Variants in FOXQ1 observed in about 807,000 individuals in gnomAD.
FOXQ1 encodes the protein forkhead box Q1, also known as forkhead box protein Q1.
Under a neutral mutation model 0.6 loss-of-function variants are expected in FOXQ1, and 1 was observed. That is an observed-to-expected ratio of 1.73 (90% CI 0.61 to 8.20). FOXQ1 has a LOEUF of 8.20. FOXQ1 is among the 30% of genes most tolerant of loss of function. The probability of loss-of-function intolerance (pLI) is 0.13; values close to 1 mark genes in which losing one functional copy is unlikely to be tolerated. For missense variants in FOXQ1, 734 were observed against 595.6 expected (o/e 1.23, Z -2.42); for synonymous variants, 377 against 294.4 (o/e 1.28, Z -2.87).
In FOXQ1 at chr6:1,314,164, C is replaced by T. The variant is rs1215005698; in HGVS notation, c.*248C>T. 1 of 421,522 alleles carries T rather than the reference C, an allele frequency of 2.4e-6. No homozygotes were observed. Among genetic ancestry groups the T allele is most frequent in the African/African-American group, 2.1e-5 (1 of 47,588 alleles). The allele number at this position is 421,522 out of a possible 1,614,324, so 26.1% of individuals were successfully genotyped here. A position where few individuals can be genotyped will look rare whatever the true frequency, so the allele number is the denominator to read the frequency against. ...TTTTAGTTTCTTTGCGAAGCCTGCT[C>T]CTCCTTCCCTTCATAAGGACTTTTT... is the stretch of plus-strand genomic sequence containing the variant. On this transcript the variant is annotated 3_prime_UTR_variant, in exon 1 of 1. Transcript: ENST00000296839.
rs1757570414 is a variant in FOXQ1, at chr6:1,312,849, A to C, written c.145A>C (p.Asn49His). Residue 49 changes from asparagine to histidine, a missense_variant, in exon 1 of 1, where the codon AAC becomes CAC. Physicochemically the swap from Asn to His is moderately conservative, Grantham distance 68. Coordinates refer to ENST00000296839, the MANE Select transcript of FOXQ1 (RefSeq NM_033260.4). ...GGGCTCAGATGGGGACTGCGCGGCC[A>C]ACAGCCCGGCCGCGGGCGGCGGCGC... ...SLGSDGDCAA[N>H]SPAAGGGARD... The C allele has an allele frequency of 7.8e-7, 1 of 1,279,420 alleles. No individual in the cohort carries two copies. 79.3% of individuals were successfully genotyped at this position (1,279,420 alleles called of 1,614,324 possible).
rs1461423862 is a variant in FOXQ1 at position 1,313,265 on chromosome 6, C to T, written c.561C>T (p.Pro187=). Residue 187 remains proline, a synonymous_variant, in exon 1 of 1, where the codon CCC becomes CCT. Transcript: ENST00000296839. The surrounding 1 kb of genome is among the most constrained non-coding windows in gnomAD (Gnocchi z 5.2). ...AGGTGCTGCGCGACCCCTCGCGGCC[C>T]TGGGGCAAGGACAACTACTGGATGC... ...FVKVLRDPSR[P]WGKDNYWMLN... is the part of the protein sequence containing the mutation. The T allele has an allele frequency of 1.5e-5, 24 of 1,610,464 alleles. No individual in the cohort carries two copies. The Middle Eastern group carries it at 9.9e-4, about 66-fold the overall frequency.
chr6:1,312,676 G>A lies in FOXQ1; in HGVS notation c.-29G>A. 1 of 1,301,428 alleles carries A rather than the reference G, an allele frequency of 7.7e-7. No individual in the cohort carries two copies. The highest frequency in any genetic ancestry group is 9.7e-7 in the Non-Finnish European group (1 of 1,028,236). The allele number at this position is 1,301,428 out of a possible 1,614,324, so 80.6% of individuals were successfully genotyped here. A position where few individuals can be genotyped will look rare whatever the true frequency, so the allele number is the denominator to read the frequency against. On this transcript the variant is annotated 5_prime_UTR_variant, in exon 1 of 1. Coordinates refer to ENST00000296839, the MANE Select transcript of FOXQ1 (RefSeq NM_033260.4). ...TAGGCTGCGCGAAGGAAGAGGGTAC[G>A]ACGCCGGGGAGGGACTGGGTGCGCG... is the stretch of plus-strand genomic sequence containing the variant.
At position 1,313,248 on chromosome 6, in the gene FOXQ1, C is replaced by A; in HGVS notation, c.544C>A (p.Arg182Ser). 6.2e-7 allele frequency: 1 copy of A among 1,610,196 alleles called. No individual in the cohort carries two copies. Among genetic ancestry groups the A allele is most frequent in the Non-Finnish European group, 8.5e-7 (1 of 1,178,804 alleles). The change falls in exon 1 of 1, where the codon CGC (arginine) becomes AGC (serine). Residue 182 changes from arginine to serine, a missense_variant. By Grantham distance (110) the Arg-to-Ser change is moderately radical. Coordinates refer to ENST00000296839, the MANE Select transcript of FOXQ1 (RefSeq NM_033260.4). This position sits in a 1 kb window ranked among gnomAD's most constrained non-coding sequence, Gnocchi z 5.2. ...SLNDCFVKVL[R>S]DPSRPWGKDN... ...CAACGACTGCTTCGTCAAGGTGCTG[C>A]GCGACCCCTCGCGGCCCTGGGGCAA...
In FOXQ1 at chr6:1,312,508, TGC is replaced by T. The variant is rs1757562759; in HGVS notation, c.-196_-195del. Reference sequence around the variant, plus strand: ...TCCGCCCCATAGTCCACCCAACACTTGCAGCCCCTCCAGAGAAAAAGCCCAGC... The same window carrying T: ...TCCGCCCCATAGTCCACCCAACACTTAGCCCCTCCAGAGAAAAAGCCCAGC... On this transcript the variant is annotated 5_prime_UTR_variant, in exon 1 of 1. Coordinates refer to ENST00000296839, the MANE Select transcript of FOXQ1 (RefSeq NM_033260.4). The T allele has an allele frequency of 3.6e-6, 3 of 839,286 alleles. No individual in the cohort carries two copies. Among genetic ancestry groups the T allele is most frequent in the African/African-American group, 3.5e-5 (2 of 56,480 alleles). The allele number at this position is 839,286 out of a possible 1,614,324, so 52.0% of individuals were successfully genotyped here.
In FOXQ1 at chr6:1,313,855, C is replaced by A. The variant is rs1458660895; in HGVS notation, c.1151C>A (p.Ala384Glu). ...CTGCGGCTGCCCGCAGCCCTGCAGGCGGCCTCAGTCCGCCGCCCTGGCCCG... is the reference window on the plus strand; with the variant it reads ...CTGCGGCTGCCCGCAGCCCTGCAGGAGGCCTCAGTCCGCCGCCCTGGCCCG... ...CPLRLPAALQ[A>E]ASVRRPGPHL... The change falls in exon 1 of 1, where the codon GCG becomes GAG. Residue 384 changes from alanine to glutamate, a missense_variant. Ala to Glu is a moderately radical substitution (Grantham distance 107). Coordinates refer to ENST00000296839, the MANE Select transcript of FOXQ1 (RefSeq NM_033260.4). This position sits in a 1 kb window ranked among gnomAD's most constrained non-coding sequence, Gnocchi z 5.2. 2 of 1,308,418 alleles carry A rather than the reference C, an allele frequency of 1.5e-6. No individual in the cohort carries two copies. Among genetic ancestry groups the A allele is most frequent in the African/African-American group, 3.1e-5 (2 of 64,918 alleles). 81.1% of individuals were successfully genotyped at this position (1,308,418 alleles called of 1,614,324 possible).
rs1393501535 is a variant in FOXQ1, at chr6:1,313,187, G to T, written c.483G>T (p.Thr161=). The stretch of plus-strand genomic sequence containing the variant: ...TCCCCTTTTTCCGCGGCAGCTACAC[G>T]GGCTGGCGCAACTCCGTGCGCCACA... The part of the protein sequence containing the change: ...GKFPFFRGSY[T]GWRNSVRHNL... Residue 161 remains threonine, a synonymous_variant, in exon 1 of 1, where the codon ACG becomes ACT. Transcript: ENST00000296839. The surrounding 1 kb of genome is among the most constrained non-coding windows in gnomAD (Gnocchi z 5.2). 3 of 1,609,936 alleles carry T rather than the reference G, an allele frequency of 1.9e-6. No individual in the cohort carries two copies. The highest frequency in any genetic ancestry group is 1.7e-6 in the Non-Finnish European group (2 of 1,178,648).
Position 1,313,770 on chromosome 6 carries a change from G to C in FOXQ1, c.1066G>C (p.Ala356Pro). 8.1e-7 allele frequency: 1 copy of C among 1,235,950 alleles called. No individual in the cohort carries two copies. Among genetic ancestry groups the C allele is most frequent in the Admixed American group, 4.2e-5 (1 of 23,946 alleles). The allele number at this position is 1,235,950 out of a possible 1,614,324, so 76.6% of individuals were successfully genotyped here. The stretch of plus-strand genomic sequence containing the variant: ...CCTCCTGCTTGCACCTCTCCCGGCG[G>C]CGGCCCCCGCCAAGCCACTCCGAGG... Reference protein sequence around the residue: ...PPLLLAPLPAAAPAKPLRGPA... With the variant: ...PPLLLAPLPAPAPAKPLRGPA... The change falls in exon 1 of 1, where the codon GCG (alanine) becomes CCG (proline). Residue 356 changes from alanine (A) to proline (P), a missense_variant. By Grantham distance (27) the Ala-to-Pro change is conservative. Coordinates refer to ENST00000296839, the MANE Select transcript of FOXQ1 (RefSeq NM_033260.4). The surrounding 1 kb of genome is among the most constrained non-coding windows in gnomAD (Gnocchi z 5.2).
In FOXQ1 at chr6:1,313,897, T is replaced by G; in HGVS notation, c.1193T>G (p.Val398Gly). Residue 398 changes from valine (V) to glycine (G), a missense_variant, in exon 1 of 1, where the codon GTG (valine) becomes GGG (glycine). Transcript: ENST00000296839. This position sits in a 1 kb window ranked among gnomAD's most constrained non-coding sequence, Gnocchi z 5.2. Reference sequence around the variant, plus strand: ...CCTGGCCCGCACCTGCCGTACCCGGTGGAGACGCTCCTAGCCTGAGTAGCG... The same window carrying G: ...CCTGGCCCGCACCTGCCGTACCCGGGGGAGACGCTCCTAGCCTGAGTAGCG... ...RRPGPHLPYP[V>G]ETLLA The G allele has an allele frequency of 7.6e-7, 1 of 1,310,678 alleles. No homozygotes were observed. 81.2% of individuals were successfully genotyped at this position (1,310,678 alleles called of 1,614,324 possible). A position where few individuals can be genotyped will look rare whatever the true frequency, so the allele number is the denominator to read the frequency against.
chr6:1,313,849 T>C lies in FOXQ1; in HGVS notation c.1145T>C (p.Leu382Pro). The change falls in exon 1 of 1, where the codon CTG becomes CCG. Residue 382 changes from leucine to proline, a missense_variant. Coordinates refer to ENST00000296839, the MANE Select transcript of FOXQ1 (RefSeq NM_033260.4). The surrounding 1 kb of genome is among the most constrained non-coding windows in gnomAD (Gnocchi z 5.2). ...LYCPLRLPAA[L>P]QAASVRRPGP... ...TGCCCCCTGCGGCTGCCCGCAGCCC[T>C]GCAGGCGGCCTCAGTCCGCCGCCCT... 1 of 1,307,856 alleles carries C rather than the reference T, an allele frequency of 7.6e-7. No individual in the cohort carries two copies. The highest frequency in any genetic ancestry group is 9.7e-7 in the Non-Finnish European group (1 of 1,033,800). 81.0% of individuals were successfully genotyped at this position (1,307,856 alleles called of 1,614,324 possible). A position where few individuals can be genotyped will look rare whatever the true frequency, so the allele number is the denominator to read the frequency against.
Position 1,313,605 on chromosome 6 carries a change from C to G in FOXQ1, c.901C>G (p.Pro301Ala). ...PGTTLQWGAA[P>A]CPPLPAFPAL... ...GACGACGCTTCAGTGGGGCGCCGCG[C>G]CCTGCCCGCCGCTGCCCGCGTTCCC... The change falls in exon 1 of 1, where the codon CCC (proline) becomes GCC (alanine). Residue 301 changes from proline to alanine, a missense_variant. Physicochemically the swap from Pro to Ala is conservative, Grantham distance 27. Transcript: ENST00000296839. This position sits in a 1 kb window ranked among gnomAD's most constrained non-coding sequence, Gnocchi z 5.2. 8.9e-7 allele frequency: 1 copy of G among 1,126,010 alleles called. No homozygotes were observed. The highest frequency in any genetic ancestry group is 1.1e-6 in the Non-Finnish European group (1 of 914,874). 69.8% of individuals were successfully genotyped at this position (1,126,010 alleles called of 1,614,324 possible).
In FOXQ1 at chr6:1,312,744, G is replaced by A. The variant is rs994927193; in HGVS notation, c.40G>A (p.Asp14Asn). 3 of 1,354,390 alleles carry A rather than the reference G, an allele frequency of 2.2e-6. No homozygotes were observed. Among genetic ancestry groups the A allele is most frequent in the Non-Finnish European group, 2.8e-6 (3 of 1,057,156 alleles). 83.9% of individuals were successfully genotyped at this position (1,354,390 alleles called of 1,614,324 possible). A position where few individuals can be genotyped will look rare whatever the true frequency, so the allele number is the denominator to read the frequency against. Residue 14 changes from aspartate to asparagine, a missense_variant, in exon 1 of 1, where the codon GAC becomes AAC. Coordinates refer to ENST00000296839, the MANE Select transcript of FOXQ1 (RefSeq NM_033260.4). The part of the protein sequence containing the change: ...EVFVPRAAHG[D>N]KQGSDLEGAG... ...GTTCGTCCCTCGCGCGGCCCACGGGGACAAGCAGGGCAGTGACCTGGAGGG... is the reference window on the plus strand; with the variant it reads ...GTTCGTCCCTCGCGCGGCCCACGGGAACAAGCAGGGCAGTGACCTGGAGGG...
In FOXQ1 at chr6:1,313,582, C is replaced by T. The variant is rs1757588681; in HGVS notation, c.878C>T (p.Thr293Met). The part of the protein sequence containing the change: ...SRRLRDTAPG[T>M]TLQWGAAPCP... Reference sequence around the variant, plus strand: ...CGCCTCAGGGACACGGCCCCCGGGACGACGCTTCAGTGGGGCGCCGCGCCC... The same window carrying T: ...CGCCTCAGGGACACGGCCCCCGGGATGACGCTTCAGTGGGGCGCCGCGCCC... Residue 293 changes from threonine to methionine, a missense_variant, in exon 1 of 1, where the codon ACG becomes ATG. By Grantham distance (81) the Thr-to-Met change is moderately conservative. Coordinates refer to ENST00000296839, the MANE Select transcript of FOXQ1 (RefSeq NM_033260.4). The surrounding 1 kb of genome is among the most constrained non-coding windows in gnomAD (Gnocchi z 5.2). 9.2e-6 allele frequency: 11 copies of T among 1,197,744 alleles called. No individual in the cohort carries two copies. Among genetic ancestry groups the T allele is most frequent in the South Asian group, 1.8e-5 (1 of 54,246 alleles). The allele number at this position is 1,197,744 out of a possible 1,614,324, so 74.2% of individuals were successfully genotyped here.
chr6:1,312,542 G>GGACTCCGGAAAAGTGACT lies in FOXQ1; in HGVS notation c.-162_-145dup. The GGACTCCGGAAAAGTGACT allele has an allele frequency of 8.9e-7, 1 of 1,120,542 alleles. No homozygotes were observed. Among genetic ancestry groups the GGACTCCGGAAAAGTGACT allele is most frequent in the Non-Finnish European group, 1.1e-6 (1 of 882,986 alleles). 69.4% of individuals were successfully genotyped at this position (1,120,542 alleles called of 1,614,324 possible). On this transcript the variant is annotated 5_prime_UTR_variant, in exon 1 of 1. Transcript: ENST00000296839. ...TCCAGAGAAAAAGCCCAGCGGAAGAGGACTCCGGAAAAGTGACTATCTCGG... is the reference window on the plus strand; with the variant it reads ...TCCAGAGAAAAAGCCCAGCGGAAGAGGACTCCGGAAAAGTGACTGACTCCGGAAAAGTGACTATCTCGG...
At position 1,312,740 on chromosome 6, in the gene FOXQ1, C is replaced by G; in HGVS notation, c.36C>G (p.His12Gln). The G allele has an allele frequency of 1.0e-5, 14 of 1,353,338 alleles. No individual in the cohort carries two copies. The highest frequency in any genetic ancestry group is 1.2e-5 in the Non-Finnish European group (13 of 1,056,270). The allele number at this position is 1,353,338 out of a possible 1,614,324, so 83.8% of individuals were successfully genotyped here. ...AGGTGTTCGTCCCTCGCGCGGCCCA[C>G]GGGGACAAGCAGGGCAGTGACCTGG... is the stretch of plus-strand genomic sequence containing the variant. ...KLEVFVPRAA[H>Q]GDKQGSDLEG... is the part of the protein sequence containing the mutation. The change falls in exon 1 of 1, where the codon CAC becomes CAG. Residue 12 changes from histidine (H) to glutamine (Q), a missense_variant. Physicochemically the swap from His to Gln is conservative, Grantham distance 24 (BLOSUM62 0). Coordinates refer to ENST00000296839, the MANE Select transcript of FOXQ1 (RefSeq NM_033260.4).
chr6:1,313,712 G>T lies in FOXQ1; in HGVS notation c.1008G>T (p.Ala336=). The change falls in exon 1 of 1, where the codon GCG becomes GCT. Residue 336 remains alanine, a synonymous_variant. Transcript: ENST00000296839. The surrounding 1 kb of genome is among the most constrained non-coding windows in gnomAD (Gnocchi z 5.2). The part of the protein sequence containing the change: ...YGAGEPARLG[A]REAEVPPTAP... ...CGGGCGAGCCGGCGCGGCTGGGCGC[G>T]CGCGAGGCCGAGGTGCCACCGACCG... is the stretch of plus-strand genomic sequence containing the variant. The T allele has an allele frequency of 9.2e-7, 1 of 1,081,878 alleles. No homozygotes were observed. Among genetic ancestry groups the T allele is most frequent in the Non-Finnish European group, 1.1e-6 (1 of 894,144 alleles). 67.0% of individuals were successfully genotyped at this position (1,081,878 alleles called of 1,614,324 possible). A position where few individuals can be genotyped will look rare whatever the true frequency, so the allele number is the denominator to read the frequency against.
rs1023260173 is a variant in FOXQ1, at chr6:1,312,360, G to C, written c.-345G>C. Reference sequence around the variant, plus strand: ...GCAGATGCGCATGCTGCTTCTCTCCGGCAGGAAAGCCTTCTAAGCCCGGCG... The same window carrying C: ...GCAGATGCGCATGCTGCTTCTCTCCCGCAGGAAAGCCTTCTAAGCCCGGCG... On this transcript the variant is annotated 5_prime_UTR_variant, in exon 1 of 1. Transcript: ENST00000296839. 2 of 227,954 alleles carry C rather than the reference G, an allele frequency of 8.8e-6. No individual in the cohort carries two copies. Among genetic ancestry groups the C allele is most frequent in the East Asian group, 8.2e-5 (1 of 12,206 alleles). The allele number at this position is 227,954 out of a possible 1,614,324, so 14.1% of individuals were successfully genotyped here.
In FOXQ1 at chr6:1,313,885, T is replaced by C; in HGVS notation, c.1181T>C (p.Leu394Pro). Residue 394 changes from leucine (L) to proline (P), a missense_variant, in exon 1 of 1, where the codon CTG becomes CCG. By Grantham distance (98) the Leu-to-Pro change is moderately conservative (BLOSUM62 -3). Coordinates refer to ENST00000296839, the MANE Select transcript of FOXQ1 (RefSeq NM_033260.4). This position sits in a 1 kb window ranked among gnomAD's most constrained non-coding sequence, Gnocchi z 5.2. ...AASVRRPGPH[L>P]PYPVETLLA ...TCAGTCCGCCGCCCTGGCCCGCACC[T>C]GCCGTACCCGGTGGAGACGCTCCTA... 7.6e-7 allele frequency: 1 copy of C among 1,315,164 alleles called. No homozygotes were observed. The highest frequency in any genetic ancestry group is 2.2e-5 in the South Asian group (1 of 44,756). The allele number at this position is 1,315,164 out of a possible 1,614,324, so 81.5% of individuals were successfully genotyped here. A position where few individuals can be genotyped will look rare whatever the true frequency, so the allele number is the denominator to read the frequency against.
In FOXQ1 at chr6:1,313,048, C is replaced by T. The variant is rs367599316; in HGVS notation, c.344C>T (p.Thr115Met). Reference protein sequence around the residue: ...SGEGARSKPYTRRPKPPYSYI... With the variant: ...SGEGARSKPYMRRPKPPYSYI... Reference sequence around the variant, plus strand: ...GAGGGTGCACGCAGCAAGCCATATACGCGGCGGCCCAAGCCCCCCTACTCG... The same window carrying T: ...GAGGGTGCACGCAGCAAGCCATATATGCGGCGGCCCAAGCCCCCCTACTCG... Residue 115 changes from threonine to methionine, a missense_variant, in exon 1 of 1, where the codon ACG (threonine) becomes ATG (methionine). Transcript: ENST00000296839. The surrounding 1 kb of genome is among the most constrained non-coding windows in gnomAD (Gnocchi z 5.2). 3 of 1,588,332 alleles carry T rather than the reference C, an allele frequency of 1.9e-6. No homozygotes were observed. The African/African-American group carries it at 4.1e-5, about 22-fold the overall frequency.
Sources: gnomAD v4.1 joint callset for allele counts on GRCh38, gnomAD v4.1.1 for gene constraint, Gnocchi (gnomAD v3.1) non-coding constraint, MANE v1.5 for transcripts, NCBI Gene and HGNC (gene_info 2026-07-23, HGNC 2026-07-21) for gene names.